Variants in DNAH7 observed in about 807,000 individuals in gnomAD.
DNAH7 encodes axonemal beta dynein heavy chain 7.
A neutral mutation model predicts 444.6 loss-of-function variants in DNAH7; 397 were observed. The observed-to-expected ratio is 0.89, with a 90% CI of 0.82 to 0.97. The LOEUF is 0.97. Ranked by LOEUF, DNAH7 falls within the 50% of genes least tolerant of loss-of-function variation. The pLI, the probability that DNAH7 is intolerant of heterozygous loss-of-function variation, is 0.00. For synonymous variants in DNAH7, 1,636 were observed against 1,624.4 expected (o/e 1.01, Z -0.17); for missense variants, 4,902 against 4,800.8 (o/e 1.02, Z -0.62).
intron 36 of DNAH7, among the ~76,000 whole-genome samples, chr2:195,881,510 G>A (rs976371625): frequency 5.9e-5 from 9 of 152,182 alleles, no homozygotes; most frequent in African/African-American, 2.2e-4. Flanking sequence ...AAATTCTCAT[G>A]TGGAACAAGC....
intron 42 of DNAH7, among the ~76,000 whole-genome samples, chr2:195,860,610 A>G (rs1462218533): frequency 6.6e-6 from 1 of 152,134 alleles, no homozygotes; most frequent in South Asian, 2.1e-4. Context: ...GGAGTGTCAT[A>G]TCCATATCCA....
At chr2:195,787,575 G>A (rs1695684103) in intron 57 of DNAH7, among the ~76,000 whole-genome samples, 1 of 152,152 alleles carries the variant, frequency 6.6e-6, no homozygotes, top group South Asian at 2.1e-4. Context: ...TAAAACCCAC[G>A]AGGAGAATAG....
chr2:196,051,542 C>T (rs1216210890), intron 2 of DNAH7, among the ~76,000 whole-genome samples: 4 of 151,988 alleles, frequency 2.6e-5, no homozygotes, highest in Non-Finnish European at 4.4e-5. Context: ...CTGAGGTGGG[C>T]GGATCACAAG....
chr2:195,871,822 T>C (rs1229043784), intron 40 of DNAH7, among the ~76,000 whole-genome samples: 2 of 115,700 alleles, frequency 1.7e-5, no homozygotes, highest in Non-Finnish European at 3.3e-5. Context: ...TCCCAGCTAC[T>C]TGGGAGGCTT....
rs533336429 is a variant in DNAH7 at position 195,833,204 on chromosome 2, T to C, written c.9100+1002A>G. On this transcript the variant is annotated intron_variant, in intron 48 of 64. Coordinates refer to ENST00000312428, the MANE Select transcript of DNAH7 (RefSeq NM_018897.3). ...ATCATGTTCCCCTTTTCTATGTAAC[T>C]CCTATATCACATTCTATATGCTAAG... 2.6e-5 allele frequency among the ~76,000 whole-genome samples: 4 copies of C among 152,320 alleles called. 1 individual carries two copies. The South Asian group carries it at 8.3e-4, about 32-fold the overall frequency.
intron 46 of DNAH7, among the ~76,000 whole-genome samples, chr2:195,848,818 T>C (rs1699175443): frequency 6.6e-6 from 1 of 152,336 alleles, no homozygotes; most frequent in South Asian, 2.1e-4. Flanking sequence ...CTGGAAGCTA[T>C]CTATTGTAAC....
intron 60 of DNAH7, among the ~76,000 whole-genome samples, chr2:195,774,960 ACAAAT>A (rs1390362837): frequency 2.6e-5 from 4 of 152,226 alleles, no homozygotes; most frequent in Non-Finnish European, 5.9e-5. Context: ...CCTTTCAAAA[ACAAAT>A]CAAATTAACA....
At chr2:196,013,355 CTT>C (rs1054360014) in intron 9 of DNAH7, among the ~76,000 whole-genome samples, 30 of 152,192 alleles carry the variant, frequency 2.0e-4, no homozygotes, top group African/African-American at 7.0e-4. Context: ...ATATCAAACT[CTT>C]TTGAGCCTGT....
At chr2:195,838,735 T>C (rs1467572959) in intron 47 of DNAH7, among the ~76,000 whole-genome samples, 1 of 151,764 alleles carries the variant, frequency 6.6e-6, no homozygotes, top group Non-Finnish European at 1.5e-5. Flanking sequence ...AAAAGTAAAA[T>C]GATGGTAAAA....
chr2:195,934,658 T>C lies in DNAH7; in HGVS notation c.3404A>G (p.Lys1135Arg), dbSNP rs774456848. ...CCACTTCTCCACTTGACCTCTGGCT[T>C]TGGCTGTTGAAATAATCTCTATGAG... Reference protein sequence around the residue: ...VELIEIISTAKARGQVEKWLV... With the variant: ...VELIEIISTARARGQVEKWLV... Residue 1135 changes from lysine (K) to arginine (R), a missense_variant, in exon 21 of 65, where the codon AAA becomes AGA. By Grantham distance (26) the Lys-to-Arg change is conservative. Transcript: ENST00000312428. The C allele has an allele frequency of 9.9e-6, 16 of 1,614,020 alleles. No individual in the cohort carries two copies. The Admixed American group carries it at 1.2e-4, about 12-fold the overall frequency.
chr2:195,943,409 T>A (rs931581577), intron 19 of DNAH7, among the ~76,000 whole-genome samples: 1 of 152,136 alleles, frequency 6.6e-6, no homozygotes, highest in African/African-American at 2.4e-5. Context: ...ACTGTGATAA[T>A]GAGTAAGTCA....
intron 17 of DNAH7, among the ~76,000 whole-genome samples, chr2:195,968,455 C>T (rs1294163273): frequency 2.0e-5 from 3 of 152,110 alleles, no homozygotes; most frequent in South Asian, 4.1e-4. Flanking sequence ...CAACCCTGCA[C>T]GTTGCCCTGC....
intron 12 of DNAH7, among the ~76,000 whole-genome samples, chr2:195,996,788 A>T (rs566764889): frequency 6.6e-6 from 1 of 152,354 alleles, no homozygotes; most frequent in Admixed American, 6.5e-5. Flanking sequence ...ATATTGTAAC[A>T]AAACAAAATC....
At chr2:195,773,464 T>TA (rs55922883) in intron 60 of DNAH7, among the ~76,000 whole-genome samples, 4,040 of 146,322 alleles carry the variant, frequency 0.028, 151 homozygotes, top group African/African-American at 0.093. Flanking sequence ...TCAAAAAACG[T>TA]AAAAAAAAAA....
chr2:195,960,470 G>T lies in DNAH7; in HGVS notation c.2681C>A (p.Ala894Glu). Residue 894 changes from alanine to glutamate, a missense_variant, in exon 18 of 65, where the codon GCA becomes GAA. Ala to Glu is a moderately radical substitution (Grantham distance 107). Coordinates refer to ENST00000312428, the MANE Select transcript of DNAH7 (RefSeq NM_018897.3). ...TTCAAGAGAATATTCTTTGCTAGCT[G>T]CTTCACTAATACCTTCAAATCGGTC... ...YIDRFEGISEAASKEYSLEKA... is the reference protein window; with the variant it reads ...YIDRFEGISEEASKEYSLEKA... The T allele has an allele frequency of 1.2e-6, 2 of 1,614,134 alleles. No homozygotes were observed. The highest frequency in any genetic ancestry group is 1.7e-6 in the Non-Finnish European group (2 of 1,180,012).
intron 61 of DNAH7, among the ~76,000 whole-genome samples, chr2:195,758,000 G>A (rs536623930): frequency 7.0e-6 from 1 of 142,998 alleles, no homozygotes; most frequent in African/African-American, 2.5e-5. Context: ...CTGAAATCAG[G>A]GGGATTAAGT....
At chr2:195,898,462 C>CT (rs1327776110) in intron 28 of DNAH7, among the ~76,000 whole-genome samples, 1 of 152,168 alleles carries the variant, frequency 6.6e-6, no homozygotes, top group Non-Finnish European at 1.5e-5. Context: ...GTTATTGAAT[C>CT]TTTCTTAAAC....
Position 195,820,741 on chromosome 2 carries a change from G to A in DNAH7, c.9292-2912C>T, listed in dbSNP as rs749395735. On this transcript the variant is annotated intron_variant, in intron 49 of 64. Transcript: ENST00000312428. The stretch of plus-strand genomic sequence containing the variant: ...CTAAAAAATGCCATTTTGGCATACC[G>A]AAATCTGAGGGTTTTTTTAAATTAG... 1.1e-3 allele frequency among the ~76,000 whole-genome samples: 170 copies of A among 152,194 alleles called. 1 individual carries two copies. Among genetic ancestry groups the A allele is most frequent in the Non-Finnish European group, 2.2e-3 (152 of 68,002 alleles).
intron 2 of DNAH7, among the ~76,000 whole-genome samples, chr2:196,054,718 G>T (rs79318979): frequency 2.0e-5 from 3 of 152,200 alleles, no homozygotes; most frequent in Non-Finnish European, 4.4e-5. Flanking sequence ...GGAGGGACCT[G>T]GGTGGGAGGT....
Sources: gnomAD v4.1 joint callset for allele counts (sites outside exome capture counted in the v4.1 genomes callset) on GRCh38, gnomAD v4.1.1 for gene constraint, MANE v1.5 for transcripts, NCBI Gene and HGNC (gene_info 2026-07-23, HGNC 2026-07-21) for gene names.